Variants in GASK1A observed in about 807,000 individuals in gnomAD.
The protein encoded by GASK1A is Golgi-associated kinase 1A.
A neutral mutation model predicts 41.2 loss-of-function variants in GASK1A; 40 were observed. The ratio of observed to expected loss-of-function variants is 0.97; its 90% CI spans 0.75 to 1.27. The LOEUF (loss-of-function observed/expected upper bound fraction) is 1.27, where lower values mean the gene tolerates loss of function less well. GASK1A is among the 50% of genes most tolerant of loss of function. The pLI is 0.00. For missense variants in GASK1A, 678 were observed against 745.1 expected (o/e 0.91, Z 1.05); for synonymous variants, 316 against 307.1 (o/e 1.03, Z -0.30).
rs2089296191 is a variant in GASK1A, at chr3:42,984,170, C to T, written c.3+4525C>T. Among the ~76,000 whole-genome samples, 1 of 152,010 alleles carries T rather than the reference C, an allele frequency of 6.6e-6. No individual in the cohort carries two copies. Among genetic ancestry groups the T allele is most frequent in the Admixed American group, 6.6e-5 (1 of 15,252 alleles). On this transcript the variant is annotated intron_variant, in intron 1 of 4. Coordinates refer to ENST00000430121, the MANE Select transcript of GASK1A (RefSeq NM_001129908.3). The surrounding 1 kb of genome is among the most constrained non-coding windows in gnomAD (Gnocchi z 4.2). The stretch of plus-strand genomic sequence containing the variant: ...CTAGGGAGTTTAGGGCGTGATCCCT[C>T]ATTTTCTGGATGTGTCTGCACAGGC...
At chr3:42,991,231 C>G (rs747743918) in intron 1 of GASK1A, among the ~76,000 whole-genome samples, 1 of 152,122 alleles carries the variant, frequency 6.6e-6, no homozygotes, top group African/African-American at 2.4e-5. Context: ...GTCTCAAACT[C>G]CTGGCCTCAA....
chr3:43,011,834 C>G (rs1220565369), intron 1 of GASK1A, among the ~76,000 whole-genome samples: 1 of 146,624 alleles, frequency 6.8e-6, no homozygotes, highest in Non-Finnish European at 1.5e-5. Context: ...CAGGAAGAGG[C>G]AGTGTGACGT....
chr3:43,044,029 C>T (rs191022206), intron 2 of GASK1A, among the ~76,000 whole-genome samples: 3 of 151,530 alleles, frequency 2.0e-5, no homozygotes, highest in East Asian at 2.0e-4. Flanking sequence ...CAGCACTGCA[C>T]GCATCATATG....
At chr3:43,023,069 A>C (rs2089529954) in intron 1 of GASK1A, among the ~76,000 whole-genome samples, 1 of 152,230 alleles carries the variant, frequency 6.6e-6, no homozygotes, top group African/African-American at 2.4e-5. Context: ...CTCATTTAGA[A>C]AAAGGATCTT....
In GASK1A at chr3:43,032,879, G is replaced by C. The variant is rs115672213; in HGVS notation, c.616G>C (p.Ala206Pro). 8.5e-4 allele frequency: 1,313 copies of C among 1,550,448 alleles called. 14 individuals are homozygous for C. The African/African-American group carries it at 0.016, about 19-fold the overall frequency. ...HTAEGRDLLGAENRALTGGQQ... is the reference protein window; with the variant it reads ...HTAEGRDLLGPENRALTGGQQ... ...AGCAGAAGGCAGGGATCTGCTGGGA[G>C]CTGAGAACAGAGCCTTGACTGGTGG... is the stretch of plus-strand genomic sequence containing the variant. Residue 206 changes from alanine (A) to proline (P), a missense_variant, in exon 2 of 5, where the codon GCT (alanine) becomes CCT (proline). By Grantham distance (27) the Ala-to-Pro change is conservative. Coordinates refer to ENST00000430121, the MANE Select transcript of GASK1A (RefSeq NM_001129908.3).
At chr3:42,991,728 T>C (rs2089342086) in intron 1 of GASK1A, among the ~76,000 whole-genome samples, 2 of 152,176 alleles carry the variant, frequency 1.3e-5, no homozygotes, top group Non-Finnish European at 2.9e-5. Flanking sequence ...ATGGGACATT[T>C]GGATGTCTGT....
At chr3:43,009,586 T>G (rs1163637404) in intron 1 of GASK1A, among the ~76,000 whole-genome samples, 3 of 152,236 alleles carry the variant, frequency 2.0e-5, no homozygotes, top group African/African-American at 7.2e-5. Flanking sequence ...GAGCAAATTT[T>G]GAAGTCTCTT....
intron 1 of GASK1A, among the ~76,000 whole-genome samples, chr3:42,985,039 ATAGT>A (rs2089301457): frequency 6.6e-6 from 1 of 152,376 alleles, no homozygotes; most frequent in African/African-American, 2.4e-5. Flanking sequence ...AAGTAAGCAC[ATAGT>A]TAGATAAGCT....
chr3:43,012,038 G>GTGAGGGCAAAGGAAGGGGCAATA, intron 1 of GASK1A, among the ~76,000 whole-genome samples: 1 of 151,846 alleles, frequency 6.6e-6, no homozygotes, highest in East Asian at 2.0e-4. Context: ...AAGGGGCAAT[G>GTGAGGGCAAAGGAAGGGGCAATA]TGAGGCCAAA....
chr3:43,030,296 C>T (rs1185001222), intron 1 of GASK1A, among the ~76,000 whole-genome samples: 11 of 152,216 alleles, frequency 7.2e-5, no homozygotes, highest in South Asian at 2.1e-4. Context: ...CATGAGCGAC[C>T]GCGCCCAGCC....
At chr3:42,985,573 GT>G (rs1559395408) in intron 1 of GASK1A, among the ~76,000 whole-genome samples, 2 of 147,248 alleles carry the variant, frequency 1.4e-5, no homozygotes, top group African/African-American at 2.4e-5. Context: ...GTGTGTGTGT[GT>G]GTGTGTGTGT....
At chr3:43,028,606 A>C (rs2089558463) in intron 1 of GASK1A, among the ~76,000 whole-genome samples, 1 of 152,020 alleles carries the variant, frequency 6.6e-6, no homozygotes, top group South Asian at 2.1e-4. Context: ...TCATCTCCTA[A>C]CCCCCCACCC....
intron 1 of GASK1A, among the ~76,000 whole-genome samples, chr3:43,010,957 C>A (rs542716493): frequency 1.5e-4 from 23 of 152,198 alleles, no homozygotes; most frequent in Non-Finnish European, 2.9e-4. Flanking sequence ...TGCCATGGAC[C>A]TTTAGCCTCT....
chr3:42,988,940 A>G (rs138622918), intron 1 of GASK1A, among the ~76,000 whole-genome samples: 9 of 152,352 alleles, frequency 5.9e-5, no homozygotes, highest in African/African-American at 1.7e-4. Context: ...GGTGACTTCC[A>G]ATGCACTGGG....
chr3:43,040,872 T>G (rs1386961938), intron 2 of GASK1A, among the ~76,000 whole-genome samples: 1 of 54,056 alleles, frequency 1.8e-5, no homozygotes, highest in African/African-American at 4.2e-5. Flanking sequence ...CCCAATGCTA[T>G]CCCTCCCCCC....
chr3:43,025,156 C>T (rs2089540921), intron 1 of GASK1A, among the ~76,000 whole-genome samples: 1 of 152,126 alleles, frequency 6.6e-6, no homozygotes, highest in African/African-American at 2.4e-5. Context: ...TGGCAAGTGG[C>T]CTGCAGAGGA....
At chr3:43,028,821 G>T (rs1382362828) in intron 1 of GASK1A, among the ~76,000 whole-genome samples, 2 of 152,084 alleles carry the variant, frequency 1.3e-5, no homozygotes, top group Non-Finnish European at 2.9e-5. Flanking sequence ...GAAGTGAGGG[G>T]GACATCAGAA....
At position 43,032,163 on chromosome 3, in the gene GASK1A, T is replaced by C. The variant is rs1038972976; in HGVS notation, c.4-104T>C. ...CACTTGGGCTGTGCTCTTCTCTTTC[T>C]CTCATGAACTGAGCACCTCATTTGC... is the stretch of plus-strand genomic sequence containing the variant. On this transcript the variant is annotated intron_variant, in intron 1 of 4. Coordinates refer to ENST00000430121, the MANE Select transcript of GASK1A (RefSeq NM_001129908.3). 17 of 913,692 alleles carry C rather than the reference T, an allele frequency of 1.9e-5. No homozygotes were observed. The East Asian group carries it at 3.3e-4, about 18-fold the overall frequency. 56.6% of individuals were successfully genotyped at this position (913,692 alleles called of 1,614,324 possible).
At chr3:43,013,365 G>C (rs2089473769) in intron 1 of GASK1A, among the ~76,000 whole-genome samples, 1 of 151,904 alleles carries the variant, frequency 6.6e-6, no homozygotes, top group Non-Finnish European at 1.5e-5. Context: ...AAGGGGCCGT[G>C]TGAAACCACA....
Sources: gnomAD v4.1 joint callset for allele counts (sites outside exome capture counted in the v4.1 genomes callset) on GRCh38, gnomAD v4.1.1 for gene constraint, Gnocchi (gnomAD v3.1) non-coding constraint, MANE v1.5 for transcripts, NCBI Gene and HGNC (gene_info 2026-07-23, HGNC 2026-07-21) for gene names.